Variants in TMA16 observed in about 807,000 individuals in gnomAD.
The protein encoded by TMA16 is translation machinery associated 16 homolog, also known as translation machinery-associated protein 16.
Under a neutral mutation model 27.1 loss-of-function variants are expected in TMA16, and 26 were observed. That is an observed-to-expected ratio of 0.96 (90% CI 0.70 to 1.33). The LOEUF (loss-of-function observed/expected upper bound fraction) is 1.33. Ranked by LOEUF, TMA16 falls within the 40% of genes most tolerant of loss-of-function variation. The pLI, the probability that TMA16 is intolerant of heterozygous loss-of-function variation, is 0.00. For missense variants in TMA16, 233 were observed against 241.4 expected, an observed-to-expected ratio of 0.97 and a Z score of 0.23; for synonymous variants, 71 against 81.9, an observed-to-expected ratio of 0.87 and a Z score of 0.72.
chr4:163,505,158 A>T (rs187738456), intron 1 of TMA16, among the ~76,000 whole-genome samples: 11 of 152,324 alleles, frequency 7.2e-5, no homozygotes, highest in African/African-American at 2.6e-4. Flanking sequence ...TATTGGGTCC[A>T]TCTTAGAGGC....
chr4:163,514,132 G>T lies in TMA16; in HGVS notation c.213G>T (p.Lys71Asn). The T allele has an allele frequency of 6.2e-7, 1 of 1,608,204 alleles. No homozygotes were observed. Among genetic ancestry groups the T allele is most frequent in the East Asian group, 2.2e-5 (1 of 44,482 alleles). Residue 71 changes from lysine to asparagine, a missense_variant, in exon 4 of 7, where the codon AAG becomes AAT. Physicochemically the swap from Lys to Asn is moderately conservative, Grantham distance 94 (BLOSUM62 0). Transcript: ENST00000358572. ...HLDPQKKRYS[K>N]KDACELIERY... ...ATCCCCAAAAAAAGAGATATTCAAA[G>T]AAAGATGCTTGTGAACTAATTGAAA...
intron 4 of TMA16, among the ~76,000 whole-genome samples, 171 bp from the exon 5 acceptor site, chr4:163,515,142 A>T (rs1018084769): frequency 6.6e-6 from 1 of 152,160 alleles, no homozygotes; most frequent in African/African-American, 2.4e-5. Context: ...AGTTAAAGAA[A>T]TGGTCGAGTT....
intron 5 of TMA16, chr4:163,515,685 T>C (rs1214018526): frequency 2.1e-6 from 1 of 472,552 alleles, no homozygotes; most frequent in East Asian, 3.9e-5. Context: ...CATGTCTTTT[T>C]TACCGTGATA....
chr4:163,508,578 A>G (rs1737749166), intron 2 of TMA16, among the ~76,000 whole-genome samples: 1 of 152,208 alleles, frequency 6.6e-6, no homozygotes, highest in Admixed American at 6.5e-5. Flanking sequence ...GGTAAAACAA[A>G]CCCACACTTT....
At chr4:163,505,278 CAG>C (rs1270430054) in intron 1 of TMA16, among the ~76,000 whole-genome samples, 1 of 152,098 alleles carries the variant, frequency 6.6e-6, no homozygotes, top group Non-Finnish European at 1.5e-5. Context: ...GCCATGTGAG[CAG>C]AGAGATACAT....
At chr4:163,510,037 T>A (rs1336648082) in intron 2 of TMA16, among the ~76,000 whole-genome samples, 1 of 152,202 alleles carries the variant, frequency 6.6e-6, no homozygotes, top group African/African-American at 2.4e-5. Flanking sequence ...TTTAAATAAT[T>A]CTCACATCTC....
chr4:163,518,120 A>C (rs1363598996), intron 6 of TMA16, among the ~76,000 whole-genome samples: 1 of 152,076 alleles, frequency 6.6e-6, no homozygotes, highest in Non-Finnish European at 1.5e-5. Flanking sequence ...TGGTGTTTTT[A>C]GCTCTTACCC....
chr4:163,510,379 T>G (rs1217717080), intron 2 of TMA16, among the ~76,000 whole-genome samples: 1 of 152,218 alleles, frequency 6.6e-6, no homozygotes, highest in Non-Finnish European at 1.5e-5. Flanking sequence ...ATCTTCCCAG[T>G]CAGTCCTCAC....
At chr4:163,514,442 A>G (rs1425949502) in intron 4 of TMA16, among the ~76,000 whole-genome samples, 1 of 152,194 alleles carries the variant, frequency 6.6e-6, no homozygotes, top group African/African-American at 2.4e-5. Flanking sequence ...GGTAGTTTGA[A>G]AAACCCCTAG....
chr4:163,501,835 T>G (rs1737654363), intron 1 of TMA16, among the ~76,000 whole-genome samples: 1 of 152,196 alleles, frequency 6.6e-6, no homozygotes, highest in Non-Finnish European at 1.5e-5. Context: ...AATTTCTTGA[T>G]TTTTAGATCT....
chr4:163,502,046 G>C (rs1285969694), intron 1 of TMA16, among the ~76,000 whole-genome samples: 2 of 152,164 alleles, frequency 1.3e-5, no homozygotes, highest in African/African-American at 2.4e-5. Context: ...TATTTAGTGT[G>C]TGCTCAGTAA....
intron 5 of TMA16, among the ~76,000 whole-genome samples, chr4:163,516,693 C>G (rs1476231049): frequency 6.6e-6 from 1 of 151,960 alleles, no homozygotes; most frequent in Non-Finnish European, 1.5e-5. Context: ...TACCATATAC[C>G]TGGTTTTTAT....
rs191456887 is a variant in TMA16 at position 163,495,833 on chromosome 4, T to G, written c.3+1029T>G. Among the ~76,000 whole-genome samples, 221 of 152,344 alleles carry G rather than the reference T, an allele frequency of 1.5e-3. 1 individual carries two copies. The highest frequency in any genetic ancestry group is 5.1e-3 in the African/African-American group (212 of 41,566). On this transcript the variant is annotated intron_variant, in intron 1 of 6. Coordinates refer to ENST00000358572, the MANE Select transcript of TMA16 (RefSeq NM_018352.3). ...TATTTTGATCCACTGCTGACGCATA[T>G]TTTGTACTTTAGATTGTACACATTT...
intron 1 of TMA16, among the ~76,000 whole-genome samples, chr4:163,497,687 A>G (rs1048352543): frequency 2.6e-5 from 4 of 152,096 alleles, no homozygotes; most frequent in African/African-American, 9.7e-5. Flanking sequence ...TTCCTCTTAC[A>G]TGGACCTTTA....
At position 163,518,066 on chromosome 4, in the gene TMA16, G is replaced by C. The variant is rs186488125; in HGVS notation, c.431+590G>C. Among the ~76,000 whole-genome samples the C allele has an allele frequency of 1.2e-4, 18 of 152,046 alleles. No individual in the cohort carries two copies. In the East Asian group the frequency reaches 2.5e-3, roughly 21 times the overall value. On this transcript the variant is annotated intron_variant, in intron 6 of 6. Transcript: ENST00000358572. ...GTACTGTGTAATGTTGAGGATTGGA[G>C]TAAGAATGAATCTACCCAGGTAGTG...
intron 1 of TMA16, among the ~76,000 whole-genome samples, chr4:163,496,953 G>C (rs993729835): frequency 7.2e-5 from 11 of 152,278 alleles, no homozygotes; most frequent in African/African-American, 2.6e-4. Context: ...TGCCCAGCCA[G>C]GATTTTAGTA....
chr4:163,519,896 G>C lies in TMA16; in HGVS notation c.*382G>C. 1.9e-6 allele frequency: 1 copy of C among 539,438 alleles called. No individual in the cohort carries two copies. 33.4% of individuals were successfully genotyped at this position (539,438 alleles called of 1,614,324 possible). A position where few individuals can be genotyped will look rare whatever the true frequency, so the allele number is the denominator to read the frequency against. ...AAAGATTCCTGTGGGTACTTTTTGAGCTGTGATAATAGCAAAATTGTTTTT... is the reference window on the plus strand; with the variant it reads ...AAAGATTCCTGTGGGTACTTTTTGACCTGTGATAATAGCAAAATTGTTTTT... On this transcript the variant is annotated 3_prime_UTR_variant, in exon 7 of 7. Coordinates refer to ENST00000358572, the MANE Select transcript of TMA16 (RefSeq NM_018352.3).
At chr4:163,499,073 T>C (rs1373279724) in intron 1 of TMA16, among the ~76,000 whole-genome samples, 1 of 152,244 alleles carries the variant, frequency 6.6e-6, no homozygotes, top group African/African-American at 2.4e-5. Context: ...TAATTTTTTC[T>C]CTTTGTTAAT....
At chr4:163,498,680 T>G (rs1737599451) in intron 1 of TMA16, among the ~76,000 whole-genome samples, 1 of 152,196 alleles carries the variant, frequency 6.6e-6, no homozygotes, top group Admixed American at 6.5e-5. Flanking sequence ...AAAACTTTTT[T>G]TAGAGATGGA....
Sources: gnomAD v4.1 joint callset for allele counts (sites outside exome capture counted in the v4.1 genomes callset) on GRCh38, gnomAD v4.1.1 for gene constraint, MANE v1.5 for transcripts, NCBI Gene and HGNC (gene_info 2026-07-23, HGNC 2026-07-21) for gene names.